Variants in GASK1A observed in about 807,000 individuals in gnomAD.
GASK1A encodes Golgi-associated kinase 1A.
In GASK1A, 40 loss-of-function variants were observed where a neutral mutation model predicts 41.2. The observed-to-expected ratio is 0.97, with a 90% CI of 0.75 to 1.27. The LOEUF (loss-of-function observed/expected upper bound fraction) is 1.27, where lower values mean the gene tolerates loss of function less well. GASK1A is among the 50% of genes most tolerant of loss of function. The probability of loss-of-function intolerance (pLI) is 0.00; values close to 1 mark genes in which losing one functional copy is unlikely to be tolerated. For synonymous variants in GASK1A, 316 were observed against 307.1 expected (o/e 1.03, Z -0.30); for missense variants, 678 against 745.1 (o/e 0.91, Z 1.05).
At chr3:43,019,654 G>A (rs1223055423) in intron 1 of GASK1A, among the ~76,000 whole-genome samples, 1 of 152,068 alleles carries the variant, frequency 6.6e-6, no homozygotes, top group Non-Finnish European at 1.5e-5. Context: ...TGATGAATCA[G>A]GCAGGGTGGC....
intron 1 of GASK1A, among the ~76,000 whole-genome samples, chr3:43,001,854 C>G (rs959234017): frequency 3.9e-5 from 6 of 152,096 alleles, no homozygotes; most frequent in Non-Finnish European, 7.4e-5. Context: ...TCACCCCTTC[C>G]CCTTCTCCTG....
At chr3:43,045,590 T>A (rs1475766372) in intron 2 of GASK1A, among the ~76,000 whole-genome samples, 1 of 152,232 alleles carries the variant, frequency 6.6e-6, no homozygotes, top group Non-Finnish European at 1.5e-5. Context: ...TTCTGATCTC[T>A]GCACTAAACC....
intron 1 of GASK1A, among the ~76,000 whole-genome samples, chr3:43,030,154 C>T (rs1044824233): frequency 1.5e-4 from 23 of 152,300 alleles, no homozygotes; most frequent in Admixed American, 3.3e-4. Flanking sequence ...TACACGCATG[C>T]GCCACCACGC....
intron 1 of GASK1A, among the ~76,000 whole-genome samples, chr3:43,031,670 G>A (rs1194489478): frequency 1.3e-5 from 2 of 152,232 alleles, no homozygotes; most frequent in African/African-American, 2.4e-5. Flanking sequence ...CGGCAGGGAC[G>A]GCAAGAGAGA....
At chr3:43,010,021 T>A (rs535072886) in intron 1 of GASK1A, among the ~76,000 whole-genome samples, 1 of 152,158 alleles carries the variant, frequency 6.6e-6, no homozygotes, top group South Asian at 2.1e-4. Context: ...GCAGCACAAT[T>A]TTTCTGGGGA....
At chr3:43,053,672 C>G (rs2089702883) in intron 3 of GASK1A, 29 bp downstream of exon 3, 1 of 1,551,376 alleles carries the variant, frequency 6.4e-7, no homozygotes, top group Non-Finnish European at 8.7e-7. Flanking sequence ...ATCCCCTTGT[C>G]ACCCCAGACC....
chr3:42,979,485 C>G lies in GASK1A; in HGVS notation c.-158C>G, dbSNP rs1274914926. On this transcript the variant is annotated 5_prime_UTR_variant, in exon 1 of 5. Coordinates refer to ENST00000430121, the MANE Select transcript of GASK1A (RefSeq NM_001129908.3). ...CGCAGGGCCACTTGGCTGCAGAGAA[C>G]GTGTGCACCTTCAGTCCGGGAAACC... is the stretch of plus-strand genomic sequence containing the variant. 9.3e-5 allele frequency: 66 copies of G among 707,442 alleles called. No individual in the cohort carries two copies. The highest frequency in any genetic ancestry group is 1.1e-4 in the Non-Finnish European group (58 of 508,780). 43.8% of individuals were successfully genotyped at this position (707,442 alleles called of 1,614,324 possible).
chr3:43,022,794 G>T (rs2089528748), intron 1 of GASK1A, among the ~76,000 whole-genome samples: 2 of 152,214 alleles, frequency 1.3e-5, no homozygotes, highest in African/African-American at 4.8e-5. Context: ...TCCAAGAGCT[G>T]CATGTATTGG....
rs142651964 is a variant in GASK1A, at chr3:43,043,911, T to A, written c.1291-9610T>A. Among the ~76,000 whole-genome samples, 53 of 152,348 alleles carry A rather than the reference T, an allele frequency of 3.5e-4. No individual in the cohort carries two copies. The East Asian group carries it at 9.6e-3, about 28-fold the overall frequency. On this transcript the variant is annotated intron_variant, in intron 2 of 4. Coordinates refer to ENST00000430121, the MANE Select transcript of GASK1A (RefSeq NM_001129908.3). ...TGCTACTGTTTAAACCTAATTTCTC[T>A]TCTGTAGAAAAAACCAACCAGACAG...
intron 1 of GASK1A, among the ~76,000 whole-genome samples, chr3:42,983,232 T>A (rs1212441217): frequency 6.6e-6 from 1 of 152,162 alleles, no homozygotes; most frequent in South Asian, 2.1e-4. Context: ...AAATGAGTCA[T>A]TGTGAGGAGC....
Position 43,032,507 on chromosome 3 carries a change from G to A in GASK1A, c.244G>A (p.Ala82Thr), listed in dbSNP as rs2089581762. 2 of 1,549,900 alleles carry A rather than the reference G, an allele frequency of 1.3e-6. No homozygotes were observed. Among genetic ancestry groups the A allele is most frequent in the African/African-American group, 1.4e-5 (1 of 73,136 alleles). Residue 82 changes from alanine (A) to threonine (T), a missense_variant, in exon 2 of 5, where the codon GCT (alanine) becomes ACT (threonine). Physicochemically the swap from Ala to Thr is moderately conservative, Grantham distance 58. Coordinates refer to ENST00000430121, the MANE Select transcript of GASK1A (RefSeq NM_001129908.3). ...AAACATGGGCTTCTGGAGAAGCCGT[G>A]CTTTGCCCAGGAACTCCATCTTGGT... is the stretch of plus-strand genomic sequence containing the variant. ...ARNMGFWRSR[A>T]LPRNSILVCA...
At chr3:43,002,412 A>T (rs1459197010) in intron 1 of GASK1A, among the ~76,000 whole-genome samples, 1 of 152,174 alleles carries the variant, frequency 6.6e-6, no homozygotes, top group Non-Finnish European at 1.5e-5. Flanking sequence ...ACTGTACCAC[A>T]ATTTTTATGC....
intron 1 of GASK1A, among the ~76,000 whole-genome samples, chr3:42,980,198 G>A (rs1391355605): frequency 6.6e-6 from 1 of 152,166 alleles, no homozygotes; most frequent in African/African-American, 2.4e-5. Context: ...AGGACTGTTG[G>A]GCAGATGTGG....
chr3:43,021,815 C>G (rs969626925), intron 1 of GASK1A, among the ~76,000 whole-genome samples: 1 of 152,208 alleles, frequency 6.6e-6, no homozygotes, highest in Non-Finnish European at 1.5e-5. Flanking sequence ...TAGCTACCCC[C>G]CTGTTTTCAC....
chr3:43,029,383 C>T (rs115276314), intron 1 of GASK1A, among the ~76,000 whole-genome samples: 8 of 152,218 alleles, frequency 5.3e-5, no homozygotes, highest in East Asian at 1.9e-4. Flanking sequence ...GTGGTGTGTG[C>T]GTCCTCTTGT....
At chr3:43,051,241 TATAGTCATC>T (rs2089686907) in intron 2 of GASK1A, among the ~76,000 whole-genome samples, 1 of 152,226 alleles carries the variant, frequency 6.6e-6, no homozygotes, top group South Asian at 2.1e-4. Context: ...GAACAAATTC[TATAGTCATC>T]TGTATTCTTT....
intron 1 of GASK1A, among the ~76,000 whole-genome samples, chr3:43,016,782 TACAGGAAGGGGCAGTGGAATGTC>T (rs1362485484): frequency 7.3e-6 from 1 of 137,412 alleles, no homozygotes; most frequent in Non-Finnish European, 1.6e-5. Flanking sequence ...GGTGGGAAGT[TACAGGAAGGGGCAGTGGAATGTC>T]ACAGGAAGGG....
At chr3:43,007,951 G>C (rs1392572810) in intron 1 of GASK1A, among the ~76,000 whole-genome samples, 3 of 152,224 alleles carry the variant, frequency 2.0e-5, no homozygotes, top group African/African-American at 7.2e-5. Context: ...TCCTGGGGCA[G>C]GAAGAGGATG....
chr3:43,034,911 TC>T (rs1400049856), intron 2 of GASK1A, among the ~76,000 whole-genome samples: 1 of 152,174 alleles, frequency 6.6e-6, no homozygotes, highest in Admixed American at 6.5e-5. Flanking sequence ...CCTACTGTCC[TC>T]CCGGCCTCTT....
Sources: allele counts gnomAD v4.1 joint callset (sites outside exome capture counted in the v4.1 genomes callset), GRCh38; gene constraint gnomAD v4.1.1; transcripts MANE v1.5; gene names NCBI Gene and HGNC (gene_info 2026-07-23, HGNC 2026-07-21).